HDAC2: variants seen among roughly 807,000 people sequenced by gnomAD.
HDAC2 encodes the protein YY1-associated factor 1.
A neutral mutation model predicts 68.5 loss-of-function variants in HDAC2; 5 were observed. That is an observed-to-expected ratio of 0.07 (90% CI 0.04 to 0.15). The LOEUF (loss-of-function observed/expected upper bound fraction) is 0.15. Ranked by LOEUF, HDAC2 falls within the 10% of genes least tolerant of loss-of-function variation. The pLI, the probability that HDAC2 is intolerant of heterozygous loss-of-function variation, is 1.00. For synonymous variants in HDAC2, 182 were observed against 191.3 expected (o/e 0.95, Z 0.40); for missense variants, 291 against 600.8 (o/e 0.48, Z 5.39).
intron 1 of HDAC2, among the ~76,000 whole-genome samples, chr6:113,967,838 T>C (rs1776860420): frequency 6.6e-6 from 1 of 152,210 alleles, no homozygotes; most frequent in East Asian, 1.9e-4. Flanking sequence ...GATGATCTTC[T>C]AGTGTATAAA....
rs1211824643 is a variant in HDAC2 at position 113,934,174 on chromosome 6, G to C, written c.*6884C>G. The stretch of plus-strand genomic sequence containing the variant: ...ATAAAGGCATATTTTGGACTTTAAA[G>C]AGCTTGCAGGACAGGAAAGGCAAAA... On this transcript the variant is annotated 3_prime_UTR_variant, in exon 14 of 14. Coordinates refer to ENST00000519065, the MANE Select transcript of HDAC2 (RefSeq NM_001527.4). 1 of 152,132 alleles carries C rather than the reference G, an allele frequency of 6.6e-6. No homozygotes were observed. Among genetic ancestry groups the C allele is most frequent in the African/African-American group, 2.4e-5 (1 of 41,430 alleles). The allele number at this position is 152,132 out of a possible 1,614,324, so 9.4% of individuals were successfully genotyped here.
intron 9 of HDAC2, among the ~76,000 whole-genome samples, chr6:113,945,791 A>C (rs1190228931): frequency 6.6e-6 from 1 of 152,212 alleles, no homozygotes; most frequent in East Asian, 1.9e-4. Flanking sequence ...TCAGTATTAG[A>C]TTATTTTGTC....
At position 113,952,990 on chromosome 6, in the gene HDAC2, A is replaced by T. The variant is rs571760831; in HGVS notation, c.639+287T>A. On this transcript the variant is annotated intron_variant, in intron 6 of 13. Coordinates refer to ENST00000519065, the MANE Select transcript of HDAC2 (RefSeq NM_001527.4). Reference sequence around the variant, plus strand: ...AGGCTACCATCAGGTAGTTTTGAAGATTCAAACTGAACATCAAGAGAAGGG... The same window carrying T: ...AGGCTACCATCAGGTAGTTTTGAAGTTTCAAACTGAACATCAAGAGAAGGG... Among the ~76,000 whole-genome samples, 34 of 152,332 alleles carry T rather than the reference A, an allele frequency of 2.2e-4. No homozygotes were observed. In the South Asian group the frequency reaches 6.8e-3, roughly 31 times the overall value.
intron 1 of HDAC2, chr6:113,970,571 TCCCCAGCGGCGG>T: frequency 8.0e-7 from 1 of 1,253,328 alleles, no homozygotes; most frequent in Non-Finnish European, 1.0e-6. Flanking sequence ...GCCGGCGCCG[TCCCCAGCGGCGG>T]CCACCTTCGA....
At chr6:113,945,040 C>T (rs1776236428) in intron 10 of HDAC2, among the ~76,000 whole-genome samples, 1 of 151,962 alleles carries the variant, frequency 6.6e-6, no homozygotes, top group Non-Finnish European at 1.5e-5. Flanking sequence ...AAAATTATTT[C>T]CATTAACTGA....
intron 13 of HDAC2, 44 bp from the exon 14 acceptor site, chr6:113,941,132 T>C: frequency 6.7e-7 from 1 of 1,490,110 alleles, no homozygotes. Flanking sequence ...GGCACAATCT[T>C]GGTTTAAATG....
At chr6:113,944,495 T>G (rs746883622) in intron 10 of HDAC2, 85 bp from the exon 11 acceptor site, 20 of 1,214,758 alleles carry the variant, frequency 1.6e-5, no homozygotes, top group East Asian at 4.9e-5. Context: ...AGCAAAAAAT[T>G]TCATCTTTGG....
intron 4 of HDAC2, 112 bp downstream of exon 4, chr6:113,956,507 C>T: frequency 1.3e-6 from 1 of 748,954 alleles, no homozygotes; most frequent in East Asian, 2.6e-5. Flanking sequence ...ATACTGATTT[C>T]CTTTTGTTAT....
chr6:113,966,325 G>C (rs1429430359), intron 1 of HDAC2, among the ~76,000 whole-genome samples: 1 of 152,122 alleles, frequency 6.6e-6, no homozygotes, highest in Non-Finnish European at 1.5e-5. Flanking sequence ...TGAGGTGGGT[G>C]GATCACCCCA....
rs77716206 is a variant in HDAC2, at chr6:113,967,053, T to C, written c.52+3804A>G. Among the ~76,000 whole-genome samples, 352 of 152,354 alleles carry C rather than the reference T, an allele frequency of 2.3e-3. 3 individuals are homozygous for C. Among genetic ancestry groups the C allele is most frequent in the East Asian group, 0.021 (111 of 5,188 alleles). On this transcript the variant is annotated intron_variant, in intron 1 of 13. Transcript: ENST00000519065. ...AAAAGACTTTGGTACTACTCATAAA[T>C]ACAAGTCTAAGAAAATCTGACAATC...
chr6:113,950,912 C>G (rs768728331), intron 6 of HDAC2, among the ~76,000 whole-genome samples: 10 of 152,120 alleles, frequency 6.6e-5, no homozygotes, highest in Non-Finnish European at 1.3e-4. Flanking sequence ...AATTACACAC[C>G]TCCTCTCCCA....
At chr6:113,956,752 C>T in intron 3 of HDAC2, 59 bp from the exon 4 acceptor site, 2 of 1,196,524 alleles carry the variant, frequency 1.7e-6, no homozygotes, top group Non-Finnish European at 2.5e-6. Flanking sequence ...AAAGCCTTTT[C>T]TTACAAAAAC....
chr6:113,956,386 A>G (rs1776554827), intron 4 of HDAC2: 2 of 568,040 alleles, frequency 3.5e-6, no homozygotes, highest in South Asian at 5.1e-5. Flanking sequence ...AATGATACCT[A>G]GAAGACAAAG....
chr6:113,953,225 T>G, intron 6 of HDAC2, 52 bp downstream of exon 6: 3 of 1,338,152 alleles, frequency 2.2e-6, no homozygotes, highest in Non-Finnish European at 3.1e-6. Context: ...ATAGGATTAC[T>G]GATCTCCTAG....
In HDAC2 at chr6:113,945,373, C is replaced by T; in HGVS notation, c.1080G>A (p.Met360Ile). The T allele has an allele frequency of 7.1e-7, 1 of 1,401,314 alleles. No individual in the cohort carries two copies. The highest frequency in any genetic ancestry group is 1.0e-6 in the Non-Finnish European group (1 of 993,794). 86.8% of individuals were successfully genotyped at this position (1,401,314 alleles called of 1,614,324 possible). Reference protein sequence around the residue: ...NMTNQNTPEYMEKIKQRLFEN... With the variant: ...NMTNQNTPEYIEKIKQRLFEN... ...CAATGATTTCTTACTTTATCTTTTCCATATATTCTGGAGTGTTCTGGTTTG... is the reference window on the plus strand; with the variant it reads ...CAATGATTTCTTACTTTATCTTTTCTATATATTCTGGAGTGTTCTGGTTTG... Residue 360 changes from methionine to isoleucine, a missense_variant, in exon 10 of 14, where the codon ATG becomes ATA. Physicochemically the swap from Met to Ile is conservative, Grantham distance 10 (BLOSUM62 1). This residue lies in a region of HDAC2 where 154 missense variants were observed against 472.1 expected (regional missense o/e 0.33). Transcript: ENST00000519065.
intron 2 of HDAC2, 158 bp downstream of exon 2, chr6:113,959,748 T>C: frequency 1.9e-6 from 1 of 531,746 alleles, no homozygotes; most frequent in Non-Finnish European, 3.4e-6. Context: ...CTCATTCTTA[T>C]TCATCTCCTA....
chr6:113,960,151 T>C (rs763123725), intron 1 of HDAC2, 133 bp from the exon 2 acceptor site: 193 of 647,416 alleles, frequency 3.0e-4, no homozygotes, highest in Non-Finnish European at 4.9e-4. Flanking sequence ...GCAACTTAGA[T>C]TTATTTTGCA....
intron 2 of HDAC2, 121 bp from the exon 3 acceptor site, chr6:113,958,887 T>C (rs1776616147): frequency 4.2e-6 from 3 of 713,448 alleles, no homozygotes; most frequent in African/African-American, 3.6e-5. Flanking sequence ...CAGAACAAAA[T>C]ATATAAATTC....
At chr6:113,970,519 T>C (rs1776965002) in intron 1 of HDAC2, 1 of 1,182,118 alleles carries the variant, frequency 8.5e-7, no homozygotes, top group Non-Finnish European at 1.0e-6. Context: ...AGGGAGAGAA[T>C]GGGCCGCCCC....
Sources: allele counts gnomAD v4.1 joint callset (sites outside exome capture counted in the v4.1 genomes callset), GRCh38; gene constraint gnomAD v4.1.1; regional missense constraint gnomAD v4.1.1; transcripts MANE v1.5; gene names NCBI Gene and HGNC (gene_info 2026-07-23, HGNC 2026-07-21).